CFDP1: variants seen among roughly 807,000 people sequenced by gnomAD.
CFDP1 encodes the protein heterochromatin-stabilizing protein CFDP1.
CFDP1 carries 31 observed loss-of-function variants against 40.1 expected under a neutral mutation model. The ratio of observed to expected loss-of-function variants is 0.77; its 90% CI spans 0.58 to 1.04. CFDP1 has a LOEUF of 1.04. Ranked by LOEUF, CFDP1 falls within the 50% of genes least tolerant of loss-of-function variation. CFDP1 has a pLI of 0.00. For synonymous variants in CFDP1, 167 were observed against 120.0 expected (o/e 1.39, Z -2.56); for missense variants, 423 against 343.4 (o/e 1.23, Z -1.83).
chr16:75,413,842 G>A (rs2079182940), intron 2 of CFDP1, among the ~76,000 whole-genome samples: 1 of 152,190 alleles, frequency 6.6e-6, no homozygotes, highest in Admixed American at 6.5e-5. Flanking sequence ...GCCTATGCCA[G>A]GCAATGGGCT....
chr16:75,410,055 C>CAAAA (rs150987819), intron 4 of CFDP1, among the ~76,000 whole-genome samples: 133 of 52,536 alleles, frequency 2.5e-3, no homozygotes, highest in African/African-American at 9.9e-3. Flanking sequence ...GACCCTTTCT[C>CAAAA]AAAAAAAAAA....
Position 75,297,305 on chromosome 16 carries a change from C to A in CFDP1, c.810-3263G>T, listed in dbSNP as rs181832475. Reference sequence around the variant, plus strand: ...GAAGTGCTGGGATTACAGGCGTGAGCCACTCTGCCCGGTCTTGCTTCACAT... The same window carrying A: ...GAAGTGCTGGGATTACAGGCGTGAGACACTCTGCCCGGTCTTGCTTCACAT... On this transcript the variant is annotated intron_variant, in intron 6 of 6. Transcript: ENST00000283882. 1.2e-3 allele frequency among the ~76,000 whole-genome samples: 179 copies of A among 152,202 alleles called. 4 individuals carry two copies. The highest frequency in any genetic ancestry group is 7.1e-4 in the Non-Finnish European group (48 of 68,024).
intron 5 of CFDP1, among the ~76,000 whole-genome samples, chr16:75,331,305 C>CA (rs921974627): frequency 2.0e-5 from 3 of 152,134 alleles, no homozygotes; most frequent in African/African-American, 7.2e-5. Context: ...TTTGTAGAGA[C>CA]AGAGTCTTGC....
chr16:75,298,981 G>C (rs1013376891), intron 6 of CFDP1, among the ~76,000 whole-genome samples: 1 of 152,200 alleles, frequency 6.6e-6, no homozygotes, highest in Non-Finnish European at 1.5e-5. Flanking sequence ...GGACTAGCCA[G>C]TGTTTCTCTT....
chr16:75,392,921 G>A (rs1369248954), intron 5 of CFDP1, among the ~76,000 whole-genome samples: 1 of 152,178 alleles, frequency 6.6e-6, no homozygotes, highest in Non-Finnish European at 1.5e-5. Flanking sequence ...AGGTTTCTGT[G>A]TAACTACTAC....
At chr16:75,423,880 T>C (rs1274933334) in intron 1 of CFDP1, among the ~76,000 whole-genome samples, 2 of 152,164 alleles carry the variant, frequency 1.3e-5, no homozygotes, top group Non-Finnish European at 2.9e-5. Context: ...CCAAATATTT[T>C]CTATCTGCAG....
chr16:75,323,135 T>C (rs1170095357), intron 5 of CFDP1, among the ~76,000 whole-genome samples: 3 of 152,134 alleles, frequency 2.0e-5, no homozygotes, highest in South Asian at 2.1e-4. Context: ...GCTTAAAACA[T>C]AGCACAGCTG....
chr16:75,394,158 C>G (rs899291877), intron 5 of CFDP1, among the ~76,000 whole-genome samples: 3 of 152,206 alleles, frequency 2.0e-5, no homozygotes. Context: ...CCACAGAAGC[C>G]ACTGTAGGAG....
At chr16:75,427,691 G>C (rs1283483545) in intron 1 of CFDP1, among the ~76,000 whole-genome samples, 1 of 152,168 alleles carries the variant, frequency 6.6e-6, no homozygotes, top group Non-Finnish European at 1.5e-5. Context: ...GCAGCTTCTT[G>C]TAAAGTTAAA....
At chr16:75,328,064 G>A (rs560720804) in intron 5 of CFDP1, among the ~76,000 whole-genome samples, 4 of 151,664 alleles carry the variant, frequency 2.6e-5, no homozygotes, top group African/African-American at 9.7e-5. Context: ...CTGGAAGAAT[G>A]GAAAGAGAAC....
intron 5 of CFDP1, among the ~76,000 whole-genome samples, chr16:75,394,445 T>C (rs1342443374): frequency 2.0e-5 from 3 of 152,248 alleles, no homozygotes; most frequent in Non-Finnish European, 4.4e-5. Flanking sequence ...TAAATCATCT[T>C]TGATCTTTTT....
chr16:75,410,205 G>C (rs960856896), intron 4 of CFDP1, among the ~76,000 whole-genome samples: 14 of 150,856 alleles, frequency 9.3e-5, no homozygotes, highest in African/African-American at 2.9e-4. Flanking sequence ...TGTATTTTCA[G>C]AGAGCCTACA....
At chr16:75,340,091 A>C (rs1296491827) in intron 5 of CFDP1, among the ~76,000 whole-genome samples, 2 of 152,252 alleles carry the variant, frequency 1.3e-5, no homozygotes, top group Non-Finnish European at 2.9e-5. Context: ...TTAATAAGCA[A>C]GCATTTGAGT....
At chr16:75,306,195 C>A (rs370322385) in intron 5 of CFDP1, among the ~76,000 whole-genome samples, 12 of 152,258 alleles carry the variant, frequency 7.9e-5, no homozygotes, top group African/African-American at 2.9e-4. Context: ...GATAATAATA[C>A]CTTTACTTGT....
At chr16:75,332,591 C>T (rs998105737) in intron 5 of CFDP1, among the ~76,000 whole-genome samples, 2 of 151,638 alleles carry the variant, frequency 1.3e-5, no homozygotes, top group Admixed American at 1.3e-4. Context: ...CCTTTAAGCC[C>T]GAGAGGTTGA....
intron 4 of CFDP1, among the ~76,000 whole-genome samples, chr16:75,407,181 C>T (rs1461957205): frequency 1.3e-5 from 2 of 151,974 alleles, no homozygotes; most frequent in Admixed American, 6.6e-5. Context: ...CACTCCAACC[C>T]GAGTGACAGA....
intron 6 of CFDP1, among the ~76,000 whole-genome samples, chr16:75,295,049 G>A (rs528785814): frequency 7.2e-5 from 11 of 152,332 alleles, no homozygotes; most frequent in Admixed American, 3.9e-4. Context: ...GAAAATGGGA[G>A]ACAAAATTGA....
rs550616944 is a variant in CFDP1, at chr16:75,297,639, T to A, written c.810-3597A>T. Among the ~76,000 whole-genome samples, 32 of 152,316 alleles carry A rather than the reference T, an allele frequency of 2.1e-4. 1 individual carries two copies. In the South Asian group the frequency reaches 6.0e-3, roughly 29 times the overall value. On this transcript the variant is annotated intron_variant, in intron 6 of 6. Coordinates refer to ENST00000283882, the MANE Select transcript of CFDP1 (RefSeq NM_006324.3). ...CAGCCCAGTCCACAGGGAAGCCTAG[T>A]GGTGGGGGATGCATCATCCCTTTCT...
intron 5 of CFDP1, among the ~76,000 whole-genome samples, chr16:75,357,873 T>G (rs1239785636): frequency 2.0e-5 from 3 of 152,246 alleles, no homozygotes; most frequent in African/African-American, 7.2e-5. Flanking sequence ...GGCCTAGCTT[T>G]TAGCCTGTCT....
Sources: allele counts gnomAD v4.1 joint callset (sites outside exome capture counted in the v4.1 genomes callset), GRCh38; gene constraint gnomAD v4.1.1; transcripts MANE v1.5; gene names NCBI Gene and HGNC (gene_info 2026-07-23, HGNC 2026-07-21).